Variants in TCF4 observed in about 807,000 individuals in gnomAD.
TCF4 encodes the protein transcription factor 4.
In TCF4, 3 loss-of-function variants were observed where a neutral mutation model predicts 82.1. That is an observed-to-expected ratio of 0.04 (90% CI 0.02 to 0.09). The LOEUF is 0.09. TCF4 is among the 10% of genes least tolerant of loss of function. TCF4 has a pLI of 1.00. For missense variants in TCF4, 518 were observed against 852.7 expected (o/e 0.61, Z 4.89); for synonymous variants, 276 against 309.6 (o/e 0.89, Z 1.14).
intron 3 of TCF4, among the ~76,000 whole-genome samples, chr18:55,466,547 G>A (rs182476742): frequency 3.7e-3 from 561 of 152,202 alleles, no homozygotes; most frequent in African/African-American, 0.012. Flanking sequence ...TAAAAATTGT[G>A]TTGAGATTGA....
chr18:55,562,634 C>T (rs1392609385), intron 3 of TCF4, among the ~76,000 whole-genome samples: 1 of 152,192 alleles, frequency 6.6e-6, no homozygotes, highest in African/African-American at 2.4e-5. Context: ...CACACCCTAC[C>T]AGTCCAATAA....
chr18:55,471,428 C>T (rs1315690977), intron 3 of TCF4, among the ~76,000 whole-genome samples: 2 of 152,112 alleles, frequency 1.3e-5, no homozygotes, highest in African/African-American at 2.4e-5. Flanking sequence ...AGGCCAGGTG[C>T]GATGGCTCAC....
At chr18:55,259,728 T>G (rs921258678) in intron 13 of TCF4, 24 of 550,068 alleles carry the variant, frequency 4.4e-5, no homozygotes, top group African/African-American at 3.6e-4. Flanking sequence ...CCTGTATATT[T>G]TAAAAAGATA....
intron 5 of TCF4, among the ~76,000 whole-genome samples, chr18:55,439,848 G>A (rs763176306): frequency 2.7e-4 from 41 of 152,124 alleles, no homozygotes; most frequent in South Asian, 6.2e-4. Flanking sequence ...TCAGCCTCCC[G>A]ACTAGCTGGG....
intron 3 of TCF4, among the ~76,000 whole-genome samples, chr18:55,538,026 GCACACACA>G (rs57686777): frequency 1.7e-3 from 228 of 131,570 alleles, no homozygotes; most frequent in African/African-American, 4.6e-3. Context: ...CTGCGCGCGC[GCACACACA>G]CACACACACA....
intron 3 of TCF4, chr18:55,551,562 T>A (rs2097260646): frequency 6.6e-6 from 1 of 152,552 alleles, no homozygotes; most frequent in Non-Finnish European, 1.5e-5. Context: ...CAACCTGTCC[T>A]AACCACAGTC....
At chr18:55,462,088 A>G (rs533748421) in intron 4 of TCF4, among the ~76,000 whole-genome samples, 1 of 152,284 alleles carries the variant, frequency 6.6e-6, no homozygotes, top group East Asian at 1.9e-4. Flanking sequence ...CTGCCCACAC[A>G]AAAGAGAGGG....
chr18:55,382,198 T>C (rs1192077445), intron 6 of TCF4, among the ~76,000 whole-genome samples: 1 of 152,172 alleles, frequency 6.6e-6, no homozygotes, highest in East Asian at 1.9e-4. Flanking sequence ...TGTGGAGTTC[T>C]GGGAGGGTGA....
intron 8 of TCF4, among the ~76,000 whole-genome samples, chr18:55,291,095 T>C (rs2064993971): frequency 6.6e-6 from 1 of 152,224 alleles, no homozygotes; most frequent in Non-Finnish European, 1.5e-5. Flanking sequence ...ACCCATCTTA[T>C]ACATTCAGGA....
intron 8 of TCF4, among the ~76,000 whole-genome samples, chr18:55,305,931 T>A (rs190726104): frequency 6.6e-6 from 1 of 152,186 alleles, no homozygotes; most frequent in Non-Finnish European, 1.5e-5. Context: ...GGTGAACTAT[T>A]TTCCCAAGAG....
At chr18:55,506,459 T>A (rs1381078831) in intron 3 of TCF4, among the ~76,000 whole-genome samples, 1 of 152,190 alleles carries the variant, frequency 6.6e-6, no homozygotes, top group Non-Finnish European at 1.5e-5. Context: ...AGCTTCCTGA[T>A]TCTAAAACTG....
chr18:55,253,748 A>C (rs2145468132), intron 15 of TCF4, among the ~76,000 whole-genome samples: 1 of 152,290 alleles, frequency 6.6e-6, no homozygotes, highest in East Asian at 1.9e-4. Flanking sequence ...TCCCAGACTC[A>C]GAATTGACAG....
chr18:55,468,291 G>C (rs1040314248), intron 3 of TCF4, among the ~76,000 whole-genome samples: 2 of 152,160 alleles, frequency 1.3e-5, no homozygotes, highest in African/African-American at 4.8e-5. Context: ...CTAGAAGTGG[G>C]TCAAAACTTT....
At chr18:55,387,063 A>G (rs1293793441) in intron 6 of TCF4, among the ~76,000 whole-genome samples, 1 of 152,252 alleles carries the variant, frequency 6.6e-6, no homozygotes, top group Non-Finnish European at 1.5e-5. Context: ...CCTGGGCTAT[A>G]GAGTATTAGG....
intron 5 of TCF4, among the ~76,000 whole-genome samples, chr18:55,458,679 T>C (rs982792538): frequency 2.0e-5 from 3 of 152,208 alleles, no homozygotes; most frequent in African/African-American, 7.2e-5. Flanking sequence ...AGCCTTCAGA[T>C]ACGCAAGCCA....
chr18:55,537,434 A>G (rs2097126733), intron 3 of TCF4, among the ~76,000 whole-genome samples: 1 of 152,062 alleles, frequency 6.6e-6, no homozygotes, highest in Non-Finnish European at 1.5e-5. Context: ...TACAAAAAAC[A>G]CAAAAACTAC....
intron 2 of TCF4, among the ~76,000 whole-genome samples, chr18:55,611,021 G>T (rs987374390): frequency 6.6e-6 from 1 of 152,160 alleles, no homozygotes; most frequent in Non-Finnish European, 1.5e-5. Flanking sequence ...AACACTAGCT[G>T]ACTGAGAAAT....
At chr18:55,420,993 C>A (rs1477675652) in intron 5 of TCF4, among the ~76,000 whole-genome samples, 2 of 151,694 alleles carry the variant, frequency 1.3e-5, no homozygotes, top group Non-Finnish European at 1.5e-5. Flanking sequence ...TATAAAATGT[C>A]AGAATTAACC....
At chr18:55,372,829 T>C (rs1464365173) in intron 6 of TCF4, among the ~76,000 whole-genome samples, 1 of 152,158 alleles carries the variant, frequency 6.6e-6, no homozygotes, top group Admixed American at 6.5e-5. Context: ...ATTAAAAATG[T>C]GCTAACACTC....
Sources: allele counts gnomAD v4.1 joint callset (sites outside exome capture counted in the v4.1 genomes callset), GRCh38; gene constraint gnomAD v4.1.1; transcripts MANE v1.5; gene names NCBI Gene and HGNC (gene_info 2026-07-23, HGNC 2026-07-21).